NREP: variants seen among roughly 807,000 people sequenced by gnomAD.
NREP encodes neuronal regeneration-related protein.
A neutral mutation model predicts 8.6 loss-of-function variants in NREP; 5 were observed. That is an observed-to-expected ratio of 0.58 (90% CI 0.30 to 1.22). The LOEUF (loss-of-function observed/expected upper bound fraction) is 1.22, where lower values mean the gene tolerates loss of function less well. NREP is among the 50% of genes most tolerant of loss of function. NREP has a pLI of 0.07. For synonymous variants in NREP, 27 were observed against 28.0 expected (o/e 0.96, Z 0.11); for missense variants, 86 against 82.5 (o/e 1.04, Z -0.17).
chr5:111,762,510 G>A (rs1317000044), upstream of NREP, among the ~76,000 whole-genome samples: 1 of 151,256 alleles, frequency 6.6e-6, no homozygotes, highest in Non-Finnish European at 1.5e-5. Context: ...ACCTCAGAAT[G>A]TGACTGTATT....
chr5:111,810,347 G>A (rs996305345), intron 2 of NREP, among the ~76,000 whole-genome samples: 1 of 152,232 alleles, frequency 6.6e-6, no homozygotes, highest in African/African-American at 2.4e-5. Flanking sequence ...CGGCTCACCA[G>A]TGCCAACTAG....
At chr5:111,731,548 T>C (rs1047122428) in intron 3 of NREP, among the ~76,000 whole-genome samples, 3 of 152,138 alleles carry the variant, frequency 2.0e-5, no homozygotes, top group Non-Finnish European at 4.4e-5. Flanking sequence ...TATCTATGTA[T>C]GGCTTATTCT....
chr5:111,807,807 T>G lies in NREP; in HGVS notation c.136-72300A>C, dbSNP rs371465129. On this transcript the variant is annotated intron_variant, in intron 2 of 3. Transcript: ENST00000395634. The stretch of plus-strand genomic sequence containing the variant: ...ACCCACCAACTCTGAATATCAGAAT[T>G]TATAAATGTATAAAATTTCCACAGA... Among the ~76,000 whole-genome samples the G allele has an allele frequency of 1.6e-4, 24 of 152,308 alleles. No homozygotes were observed. In the South Asian group the frequency reaches 4.8e-3, roughly 30 times the overall value.
chr5:111,974,204 A>G (rs561576785), intron 2 of NREP, among the ~76,000 whole-genome samples: 202 of 152,346 alleles, frequency 1.3e-3, no homozygotes, highest in Non-Finnish European at 2.5e-3. Context: ...GGTCTGGTCA[A>G]GCACTTTAAC....
At chr5:111,741,597 T>G (rs1749668639) in intron 2 of NREP, among the ~76,000 whole-genome samples, 1 of 152,146 alleles carries the variant, frequency 6.6e-6, no homozygotes, top group Non-Finnish European at 1.5e-5. Context: ...GTCTTAGAGA[T>G]CTGCCTAACC....
intron 2 of NREP, among the ~76,000 whole-genome samples, chr5:111,793,865 C>A (rs770572035): frequency 6.6e-6 from 1 of 151,996 alleles, no homozygotes; most frequent in East Asian, 1.9e-4. Context: ...TCAGGACTAG[C>A]GTGAGTAACA....
intron 2 of NREP, among the ~76,000 whole-genome samples, chr5:111,897,348 T>C (rs1168700143): frequency 6.6e-6 from 1 of 152,176 alleles, no homozygotes; most frequent in Non-Finnish European, 1.5e-5. Context: ...GACAACACTG[T>C]GCCAGTGCAT....
chr5:111,928,006 C>T (rs73787734), intron 2 of NREP, among the ~76,000 whole-genome samples: 2,623 of 152,228 alleles, frequency 0.017, 40 homozygotes, highest in African/African-American at 0.041. Flanking sequence ...AGCCAGAAAT[C>T]TGTGTGAGGA....
chr5:111,795,424 A>T (rs1195810269), intron 2 of NREP, among the ~76,000 whole-genome samples: 1 of 152,306 alleles, frequency 6.6e-6, no homozygotes, highest in Admixed American at 6.5e-5. Flanking sequence ...GTAGACAATC[A>T]ATCTGAATTA....
chr5:111,732,308 G>GATT (rs1412903458), intron 3 of NREP: 1 of 151,794 alleles, frequency 6.6e-6, no homozygotes, highest in Non-Finnish European at 1.5e-5. Flanking sequence ...AAATGCAACA[G>GATT]ATTATTCAAC....
At chr5:111,871,589 T>C (rs1017060419) in intron 2 of NREP, among the ~76,000 whole-genome samples, 8 of 152,124 alleles carry the variant, frequency 5.3e-5, no homozygotes, top group East Asian at 1.9e-4. Context: ...TTTTTGACTA[T>C]TGTAAGCTTA....
intron 2 of NREP, among the ~76,000 whole-genome samples, chr5:111,964,891 A>T (rs1350939896): frequency 1.4e-5 from 2 of 139,834 alleles, no homozygotes; most frequent in African/African-American, 2.9e-5. Flanking sequence ...AAAAAAAAAA[A>T]AAAAGAAACC....
At chr5:111,766,623 C>T (rs989576949) in intron 2 of NREP, among the ~76,000 whole-genome samples, 1 of 152,212 alleles carries the variant, frequency 6.6e-6, no homozygotes, top group Non-Finnish European at 1.5e-5. Context: ...CTTGGGTCCT[C>T]TGCTCCCTTT....
chr5:111,845,267 C>T (rs1436326525), intron 2 of NREP, among the ~76,000 whole-genome samples: 1 of 129,808 alleles, frequency 7.7e-6, no homozygotes, highest in South Asian at 2.8e-4. Flanking sequence ...TTCTACCTCA[C>T]TCAATGCATC....
At chr5:111,830,063 G>A (rs1752727255) in intron 2 of NREP, among the ~76,000 whole-genome samples, 1 of 152,174 alleles carries the variant, frequency 6.6e-6, no homozygotes, top group African/African-American at 2.4e-5. Context: ...TCCAGCCCAT[G>A]GCCCACAGGC....
rs531935878 is a variant in NREP, at chr5:111,804,727, C to T, written c.136-69220G>A. On this transcript the variant is annotated intron_variant, in intron 2 of 3. Transcript: ENST00000395634. ...AAAAAAAACAAACAAACAGAGCCCG[C>T]GCAGTGGCTCACGCCTGTAGTCCCA... Among the ~76,000 whole-genome samples the T allele has an allele frequency of 3.0e-3, 450 of 152,100 alleles. 8 individuals are homozygous for T. Among genetic ancestry groups the T allele is most frequent in the Non-Finnish European group, 1.2e-3 (84 of 67,956 alleles).
intron 2 of NREP, among the ~76,000 whole-genome samples, chr5:111,776,807 A>G (rs1751371643): frequency 6.6e-6 from 1 of 152,170 alleles, no homozygotes; most frequent in South Asian, 2.1e-4. Context: ...GGCATGGAAG[A>G]CCATTCTAAA....
intron 2 of NREP, among the ~76,000 whole-genome samples, chr5:111,953,198 C>T (rs1756214402): frequency 6.6e-6 from 1 of 152,018 alleles, no homozygotes; most frequent in South Asian, 2.1e-4. Flanking sequence ...CAATGCATCA[C>T]CTTGCAGGGT....
chr5:111,731,788 C>T (rs1748608458), intron 3 of NREP: 2 of 152,256 alleles, frequency 1.3e-5, no homozygotes, highest in Non-Finnish European at 2.9e-5. Flanking sequence ...TAGAATAACT[C>T]AATCTCAGTG....
Sources: allele counts gnomAD v4.1 joint callset (sites outside exome capture counted in the v4.1 genomes callset), GRCh38; gene constraint gnomAD v4.1.1; transcripts MANE v1.5; gene names NCBI Gene and HGNC (gene_info 2026-07-23, HGNC 2026-07-21).